Variants in RGS9 observed in about 807,000 individuals in gnomAD.
The protein encoded by RGS9 is regulator of G protein signaling 9.
In RGS9, 78 loss-of-function variants were observed where a neutral mutation model predicts 102.0. The observed-to-expected ratio is 0.76, with a 90% CI of 0.64 to 0.92. The LOEUF (loss-of-function observed/expected upper bound fraction) is 0.92, where lower values mean the gene tolerates loss of function less well. Among genes scored for constraint, RGS9 ranks in the 40% least tolerant of loss-of-function variants. The pLI is 0.00. For missense variants in RGS9, 833 were observed against 866.1 expected, an observed-to-expected ratio of 0.96 and a Z score of 0.48; for synonymous variants, 353 against 318.6, an observed-to-expected ratio of 1.11 and a Z score of -1.15.
At chr17:65,180,718 G>A (rs1484821496) in intron 9 of RGS9, among the ~76,000 whole-genome samples, 8 of 152,110 alleles carry the variant, frequency 5.3e-5, no homozygotes, top group Admixed American at 3.3e-4. Flanking sequence ...GCATGTCACC[G>A]GAGTTTGGTA....
intron 12 of RGS9, among the ~76,000 whole-genome samples, chr17:65,195,540 C>A (rs8072633): frequency 0.15 from 22,096 of 151,992 alleles, 2,780 homozygotes; most frequent in African/African-American, 0.34. Flanking sequence ...CACTGAACCC[C>A]GTTTTTAGTC....
rs3838367 is a variant in RGS9 at position 65,202,444 on chromosome 17, T to TGTGTGTGAGA, written c.1064+365_1064+366insTGTGTGAGAG. Among the ~76,000 whole-genome samples the TGTGTGTGAGA allele has an allele frequency of 1.1e-3, 144 of 131,772 alleles. 2 individuals carry two copies. The highest frequency in any genetic ancestry group is 3.8e-3 in the African/African-American group (123 of 32,536). The allele number at this position is 131,772 out of a possible 152,430, so 86.4% of individuals were successfully genotyped here. On this transcript the variant is annotated intron_variant, in intron 14 of 18. Coordinates refer to ENST00000262406, the MANE Select transcript of RGS9 (RefSeq NM_003835.4). ...GTGTGTGTGTGTGTGTGTGTGTGTG[T>TGTGTGTGAGA]GAGAGAGAGAGAGAGAGAGAGAGTG...
At position 65,160,355 on chromosome 17, in the gene RGS9, G is replaced by T; in HGVS notation, c.312+16G>T. 1 of 1,599,448 alleles carries T rather than the reference G, an allele frequency of 6.3e-7. No homozygotes were observed. The highest frequency in any genetic ancestry group is 1.1e-5 in the South Asian group (1 of 90,728). ...CAGATTTCAGGTGAGTCTTGGCCTTGACCCTGGCTGTTCATATGGGGTTGA... is the reference window on the plus strand; with the variant it reads ...CAGATTTCAGGTGAGTCTTGGCCTTTACCCTGGCTGTTCATATGGGGTTGA... On this transcript the variant is annotated intron_variant, in intron 4 of 18. Coordinates refer to ENST00000262406, the MANE Select transcript of RGS9 (RefSeq NM_003835.4).
Position 65,142,176 on chromosome 17 carries a change from G to A in RGS9, c.57+4579G>A, listed in dbSNP as rs556169024. On this transcript the variant is annotated intron_variant, in intron 1 of 18. Transcript: ENST00000262406. Reference sequence around the variant, plus strand: ...GGAGAATTGCTTGAACCCAGGAGGCGGAGGCTGCAGTGAGCTGAGATCATG... The same window carrying A: ...GGAGAATTGCTTGAACCCAGGAGGCAGAGGCTGCAGTGAGCTGAGATCATG... Among the ~76,000 whole-genome samples, 17 of 152,266 alleles carry A rather than the reference G, an allele frequency of 1.1e-4. No individual in the cohort carries two copies. The South Asian group carries it at 1.7e-3, about 15-fold the overall frequency.
chr17:65,169,892 C>T (rs971310129), intron 8 of RGS9, among the ~76,000 whole-genome samples: 3 of 151,958 alleles, frequency 2.0e-5, no homozygotes, highest in African/African-American at 7.2e-5. Context: ...CTTTATCTCC[C>T]TGACCTCTAC....
chr17:65,225,541 C>T (rs1327741848), intron 18 of RGS9, 55 bp downstream of exon 18: 3 of 1,598,384 alleles, frequency 1.9e-6, no homozygotes, highest in Admixed American at 1.7e-5. Flanking sequence ...GTGTGCAGGC[C>T]TCTGCATGTG....
In RGS9 at chr17:65,153,454, A is replaced by T; in HGVS notation, c.90A>T (p.Pro30=). Residue 30 remains proline (P), a synonymous_variant, in exon 2 of 19, where the codon CCA becomes CCT. Transcript: ENST00000262406. The part of the protein sequence containing the change: ...IEALVKDMQN[P]ETGVRMQNQR... ...CGCTCGTGAAGGACATGCAGAACCC[A>T]GAGACAGGGGTCCGAATGCAGAACC... is the stretch of plus-strand genomic sequence containing the variant. 1.2e-6 allele frequency: 2 copies of T among 1,614,210 alleles called. No individual in the cohort carries two copies. Among genetic ancestry groups the T allele is most frequent in the Non-Finnish European group, 8.5e-7 (1 of 1,180,012 alleles).
At chr17:65,169,828 C>G (rs143183628) in intron 8 of RGS9, among the ~76,000 whole-genome samples, 12 of 152,144 alleles carry the variant, frequency 7.9e-5, no homozygotes, top group African/African-American at 1.2e-4. Context: ...CTGCCTCCCC[C>G]CCAGCCCATC....
intron 1 of RGS9, among the ~76,000 whole-genome samples, chr17:65,145,886 C>G (rs34821848): frequency 0.14 from 21,794 of 151,836 alleles, 1,877 homozygotes; most frequent in Middle Eastern, 0.31. Flanking sequence ...GAAAAAGGAT[C>G]GGATCCCAAT....
chr17:65,140,495 A>G lies in RGS9; in HGVS notation c.57+2898A>G, dbSNP rs1032597526. On this transcript the variant is annotated intron_variant, in intron 1 of 18. Transcript: ENST00000262406. ...TAGTGGGTGCCTATGGGCCTTCAAG[A>G]CCTTTTAAAGGTTTGGTTTTATCTC... is the stretch of plus-strand genomic sequence containing the variant. Among the ~76,000 whole-genome samples the G allele has an allele frequency of 4.6e-5, 7 of 152,220 alleles. No homozygotes were observed. The East Asian group carries it at 1.4e-3, about 29-fold the overall frequency.
chr17:65,160,481 G>A (rs1910937761), intron 4 of RGS9, 55 bp from the exon 5 acceptor site: 3 of 1,605,082 alleles, frequency 1.9e-6, no homozygotes, highest in South Asian at 1.1e-5. Flanking sequence ...CAGGGTTGGG[G>A]TCCATTGAGT....
At chr17:65,159,470 G>A (rs1236114882) in intron 3 of RGS9, among the ~76,000 whole-genome samples, 3 of 152,284 alleles carry the variant, frequency 2.0e-5, no homozygotes, top group Non-Finnish European at 4.4e-5. Flanking sequence ...GATGGAGGGA[G>A]CGAGACCTGG....
At chr17:65,178,017 CA>C (rs1239625176) in intron 9 of RGS9, among the ~76,000 whole-genome samples, 1 of 152,156 alleles carries the variant, frequency 6.6e-6, no homozygotes, top group Non-Finnish European at 1.5e-5. Context: ...TGAAGACAGA[CA>C]GAGGCTGTAG....
At chr17:65,186,175 T>C (rs1912112248) in intron 9 of RGS9, among the ~76,000 whole-genome samples, 1 of 143,482 alleles carries the variant, frequency 7.0e-6, no homozygotes, top group African/African-American at 2.8e-5. Context: ...TATTTATTTA[T>C]TTATTTATTT....
At chr17:65,170,909 G>A (rs1042963186) in intron 8 of RGS9, among the ~76,000 whole-genome samples, 1 of 152,116 alleles carries the variant, frequency 6.6e-6, no homozygotes, top group African/African-American at 2.4e-5. Context: ...GGCCTGTGGG[G>A]GTGGAAGGTA....
At chr17:65,214,925 C>T (rs1000064941) in intron 17 of RGS9, among the ~76,000 whole-genome samples, 67 of 152,216 alleles carry the variant, frequency 4.4e-4, no homozygotes, top group Non-Finnish European at 8.8e-5. Context: ...GCTCTCCTTC[C>T]ATTCTGCTCA....
intron 1 of RGS9, among the ~76,000 whole-genome samples, chr17:65,137,950 T>A (rs1567854278): frequency 6.6e-6 from 1 of 152,224 alleles, no homozygotes. Context: ...TTTTGCCTTT[T>A]TTTTCTGATC....
At chr17:65,219,891 A>G (rs547832602) in intron 17 of RGS9, among the ~76,000 whole-genome samples, 94 of 150,368 alleles carry the variant, frequency 6.3e-4, no homozygotes, top group Middle Eastern at 3.5e-3. Flanking sequence ...CACCATCATC[A>G]TCATCACTAT....
At chr17:65,156,569 C>T (rs549435315) in intron 2 of RGS9, among the ~76,000 whole-genome samples, 4 of 152,308 alleles carry the variant, frequency 2.6e-5, no homozygotes, top group African/African-American at 7.2e-5. Context: ...AGGGCTTCCT[C>T]GGGACAAAGG....
Sources: gnomAD v4.1 joint callset for allele counts (sites outside exome capture counted in the v4.1 genomes callset) on GRCh38, gnomAD v4.1.1 for gene constraint, MANE v1.5 for transcripts, NCBI Gene and HGNC (gene_info 2026-07-23, HGNC 2026-07-21) for gene names.